The following CORO2B variants were observed in gnomAD, a reference collection of about 807,000 sequenced individuals.
CORO2B encodes coronin 2B, also known as coronin-2B.
In CORO2B, 26 loss-of-function variants were observed where a neutral mutation model predicts 58.8. That is an observed-to-expected ratio of 0.44 (90% confidence interval 0.32 to 0.61). The LOEUF (loss-of-function observed/expected upper bound fraction) is 0.61, where lower values mean the gene tolerates loss of function less well. Ranked by LOEUF, CORO2B falls within the 20% of genes least tolerant of loss-of-function variation. The probability of loss-of-function intolerance (pLI) is 0.04; values close to 1 mark genes in which losing one functional copy is unlikely to be tolerated. For synonymous variants in CORO2B, 242 were observed against 253.8 expected (o/e 0.95, Z 0.44); for missense variants, 460 against 645.1 (o/e 0.71, Z 3.11).
chr15:68,538,956 G>A, the CORO2B span, among the ~76,000 whole-genome samples: 5 of 152,204 alleles, frequency 3.3e-5, no homozygotes, highest in South Asian at 2.1e-4. Flanking sequence ...TTGAAAAACC[G>A]TTAATCCTTT....
intron 1 of CORO2B, among the ~76,000 whole-genome samples, chr15:68,592,932 C>G (rs185236269): frequency 6.6e-6 from 1 of 152,152 alleles, no homozygotes; most frequent in South Asian, 2.1e-4. Flanking sequence ...AACAGAATAC[C>G]GCAGACTGGG....
At chr15:68,627,861 CCCTGTATCATAGCTAACATAACTTA>C (rs1900727387) in intron 1 of CORO2B, among the ~76,000 whole-genome samples, 1 of 152,096 alleles carries the variant, frequency 6.6e-6, no homozygotes, top group Non-Finnish European at 1.5e-5. Flanking sequence ...CTCCACGCCT[CCCTGTATCATAGCTAACATAACTTA>C]ACTGAGCTTC....
intron 1 of CORO2B, among the ~76,000 whole-genome samples, chr15:68,624,928 A>G (rs1322423110): frequency 1.3e-5 from 2 of 152,090 alleles, no homozygotes; most frequent in Non-Finnish European, 2.9e-5. Flanking sequence ...TGATACACCC[A>G]CCTTGGCCTC....
chr15:68,633,880 C>G (rs1167779715), intron 1 of CORO2B, among the ~76,000 whole-genome samples: 5 of 152,224 alleles, frequency 3.3e-5, no homozygotes, highest in Non-Finnish European at 5.9e-5. Flanking sequence ...CCCCTGGGGA[C>G]AGTTTATCAG....
chr15:68,521,923 C>G, the CORO2B span, among the ~76,000 whole-genome samples: 11 of 152,188 alleles, frequency 7.2e-5, no homozygotes, highest in Admixed American at 4.6e-4. Flanking sequence ...ATACGAAAGC[C>G]TCTCAAGTAG....
At chr15:68,711,812 G>A in intron 5 of CORO2B, 106 bp downstream of exon 5, 1 of 1,261,110 alleles carries the variant, frequency 7.9e-7, no homozygotes, top group South Asian at 1.3e-5. Flanking sequence ...CTTCTCCAGT[G>A]CATCTCACTG....
chr15:68,722,214 G>T (rs1893178694), intron 11 of CORO2B, among the ~76,000 whole-genome samples: 1 of 152,176 alleles, frequency 6.6e-6, no homozygotes, highest in Admixed American at 6.5e-5. Flanking sequence ...TTTCGCTGTA[G>T]ACTTGCCTAT....
intron 1 of CORO2B, among the ~76,000 whole-genome samples, chr15:68,633,485 A>G (rs1011794565): frequency 1.3e-5 from 2 of 149,872 alleles, no homozygotes; most frequent in African/African-American, 2.5e-5. Context: ...ATTGTTTCCA[A>G]AGTCCAAGAG....
At chr15:68,615,151 A>G (rs2140247752) in intron 1 of CORO2B, among the ~76,000 whole-genome samples, 1 of 152,266 alleles carries the variant, frequency 6.6e-6, no homozygotes, top group Non-Finnish European at 1.5e-5. Context: ...CAGAGAAATG[A>G]TCCTCCACCT....
the CORO2B span, among the ~76,000 whole-genome samples, chr15:68,565,529 A>AT: frequency 6.2e-4 from 93 of 150,560 alleles, no homozygotes; most frequent in African/African-American, 2.1e-3. Context: ...AAATAAAAAT[A>AT]AATATATATA....
intron 9 of CORO2B, 36 bp downstream of exon 9, chr15:68,718,846 C>A: frequency 6.5e-7 from 1 of 1,534,774 alleles, no homozygotes; most frequent in Non-Finnish European, 9.0e-7. Flanking sequence ...GGAGGGGGGC[C>A]TGCATCGCCT....
At chr15:68,568,201 A>G in the CORO2B span, among the ~76,000 whole-genome samples, 1 of 152,126 alleles carries the variant, frequency 6.6e-6, no homozygotes, top group African/African-American at 2.4e-5. Flanking sequence ...CTGCTTTACC[A>G]CTGACCAGCG....
the CORO2B span, among the ~76,000 whole-genome samples, chr15:68,570,804 T>TTG: frequency 6.4e-5 from 9 of 141,122 alleles, no homozygotes; most frequent in African/African-American, 1.8e-4. Flanking sequence ...ACGTAGTTTT[T>TTG]TTTTTTTTTT....
chr15:68,690,961 C>T (rs556838583), intron 2 of CORO2B, among the ~76,000 whole-genome samples: 1 of 151,426 alleles, frequency 6.6e-6, no homozygotes, highest in East Asian at 2.0e-4. Context: ...GCCTAGCCTA[C>T]ATTAGCTTTC....
intron 1 of CORO2B, among the ~76,000 whole-genome samples, chr15:68,630,871 G>C (rs1388445): frequency 0.41 from 62,856 of 152,016 alleles, 14,791 homozygotes; most frequent in African/African-American, 0.65. Context: ...TCCTCAAATG[G>C]AAGCAAAGGC....
chr15:68,557,134 G>T, the CORO2B span, among the ~76,000 whole-genome samples: 1 of 152,210 alleles, frequency 6.6e-6, no homozygotes. Flanking sequence ...CTGCCAGGAG[G>T]CCATGGGAAT....
At chr15:68,700,600 G>C (rs1392269905) in intron 3 of CORO2B, among the ~76,000 whole-genome samples, 1 of 152,210 alleles carries the variant, frequency 6.6e-6, no homozygotes, top group Non-Finnish European at 1.5e-5. Flanking sequence ...TTGGGCCCGA[G>C]GGAGGGCTGG....
intron 1 of CORO2B, chr15:68,632,232 G>A (rs1900859446): frequency 1.0e-6 from 1 of 985,360 alleles, no homozygotes; most frequent in Non-Finnish European, 1.2e-6. Flanking sequence ...ATCTGTGCAG[G>A]GTACAGCCTT....
chr15:68,685,324 C>G (rs1902929299), intron 2 of CORO2B, among the ~76,000 whole-genome samples: 1 of 152,198 alleles, frequency 6.6e-6, no homozygotes, highest in African/African-American at 2.4e-5. Context: ...CATTCTCATG[C>G]CTCAGCCTCC....
Sources: gnomAD v4.1 joint callset for allele counts (sites outside exome capture counted in the v4.1 genomes callset) on GRCh38, gnomAD v4.1.1 for gene constraint, MANE v1.5 for transcripts, NCBI Gene and HGNC (gene_info 2026-07-23, HGNC 2026-07-21) for gene names.